The following F13A1 variants were observed in gnomAD, a reference collection of about 807,000 sequenced individuals.
F13A1 encodes coagulation factor XIII A chain.
In F13A1, 47 loss-of-function variants were observed where a neutral mutation model predicts 80.1. The observed-to-expected ratio is 0.59, with a 90% CI of 0.46 to 0.75. The LOEUF is 0.75. F13A1 is among the 30% of genes least tolerant of loss of function. The probability of loss-of-function intolerance (pLI) is 0.00; values close to 1 mark genes in which losing one functional copy is unlikely to be tolerated. For synonymous variants in F13A1, 349 were observed against 344.9 expected (o/e 1.01, Z -0.13); for missense variants, 817 against 930.4 (o/e 0.88, Z 1.59).
intron 12 of F13A1, chr6:6,169,576 G>A (rs545747283): frequency 1.3e-5 from 2 of 153,266 alleles, no homozygotes; most frequent in East Asian, 3.9e-4. Context: ...AGAAAGGTTG[G>A]TCATCCTAGA....
intron 3 of F13A1, among the ~76,000 whole-genome samples, chr6:6,303,963 T>A (rs1024387971): frequency 1.3e-5 from 2 of 152,202 alleles, no homozygotes; most frequent in African/African-American, 4.8e-5. Context: ...TTCCCTTGAA[T>A]CTGTTGGGTT....
Position 6,316,078 on chromosome 6 carries a change from CATAT to C in F13A1, c.130+2453_130+2456del, listed in dbSNP as rs57716665. Among the ~76,000 whole-genome samples, 83 of 34,918 alleles carry C rather than the reference CATAT, an allele frequency of 2.4e-3. 5 individuals are homozygous for C. The highest frequency in any genetic ancestry group is 2.7e-3 in the African/African-American group (39 of 14,434). 22.9% of individuals were successfully genotyped at this position (34,918 alleles called of 152,430 possible). On this transcript the variant is annotated intron_variant, in intron 2 of 14. Transcript: ENST00000264870. ...GTTTGTGTGCTGCTATGTGTGTGTG[CATAT>C]ATATATATATATATATATATATATA...
intron 3 of F13A1, among the ~76,000 whole-genome samples, chr6:6,281,909 G>A (rs1435129328): frequency 6.8e-6 from 1 of 147,394 alleles, no homozygotes; most frequent in Non-Finnish European, 1.5e-5. Flanking sequence ...CAGGAAAATG[G>A]TATGAACCCG....
chr6:6,300,415 C>G (rs535527429), intron 3 of F13A1, among the ~76,000 whole-genome samples: 1 of 151,740 alleles, frequency 6.6e-6, no homozygotes, highest in South Asian at 2.1e-4. Flanking sequence ...GTAGGACCCT[C>G]TGATCCAGGT....
In F13A1 at chr6:6,151,864, C is replaced by T; in HGVS notation, c.1994G>A (p.Trp665Ter). ...TACTCCAGGACCATCCAGGTGTACC[C>T]AGACATTTCGCAGGGTTTCTTTTAA... is the stretch of plus-strand genomic sequence containing the variant. The part of the protein sequence containing the change: ...NPLKETLRNV[W>*]VHLDGPGVTR... Residue 665 changes from tryptophan to a stop codon, truncating the protein, a stop_gained, in exon 14 of 15, where the codon TGG (tryptophan) becomes TAG (stop). Coordinates refer to ENST00000264870, the MANE Select transcript of F13A1 (RefSeq NM_000129.4). LOFTEE classifies it high-confidence loss of function. 6.2e-7 allele frequency: 1 copy of T among 1,614,092 alleles called. No homozygotes were observed. Among genetic ancestry groups the T allele is most frequent in the Non-Finnish European group, 8.5e-7 (1 of 1,179,976 alleles).
chr6:6,247,566 C>T (rs940052399), intron 6 of F13A1, among the ~76,000 whole-genome samples: 2 of 152,218 alleles, frequency 1.3e-5, no homozygotes, highest in South Asian at 2.1e-4. Context: ...CCACCCTTCC[C>T]ACTCATGGGA....
chr6:6,295,888 T>G (rs1412244365), intron 3 of F13A1, among the ~76,000 whole-genome samples: 1 of 141,204 alleles, frequency 7.1e-6, no homozygotes, highest in Non-Finnish European at 1.5e-5. Context: ...GGTCTAACGT[T>G]TAAGTCTTTA....
At chr6:6,196,594 T>C (rs1009057091) in intron 9 of F13A1, among the ~76,000 whole-genome samples, 1 of 152,190 alleles carries the variant, frequency 6.6e-6, no homozygotes, top group Admixed American at 6.5e-5. Flanking sequence ...CCCATCGATA[T>C]ATCAACACCT....
intron 8 of F13A1, among the ~76,000 whole-genome samples, chr6:6,214,756 G>A (rs1583075471): frequency 1.4e-5 from 1 of 70,662 alleles, no homozygotes; most frequent in African/African-American, 7.5e-5. Context: ...TTTTTTGAAA[G>A]GATCAACAAA....
At chr6:6,190,971 T>G (rs1188632708) in intron 10 of F13A1, among the ~76,000 whole-genome samples, 11 of 151,786 alleles carry the variant, frequency 7.2e-5, no homozygotes, top group East Asian at 3.9e-4. Context: ...TATTTGGGTG[T>G]GAGTGACCCG....
At chr6:6,152,076 G>T in intron 13 of F13A1, 127 bp from the exon 14 acceptor site, 1 of 1,087,270 alleles carries the variant, frequency 9.2e-7, no homozygotes, top group Non-Finnish European at 1.4e-6. Flanking sequence ...GAACCAGTGT[G>T]ATGAGGATAG....
intron 3 of F13A1, among the ~76,000 whole-genome samples, chr6:6,295,238 A>C (rs1758304235): frequency 6.8e-6 from 1 of 147,876 alleles, no homozygotes. Flanking sequence ...AGCATGATTT[A>C]TAGTCCTTTG....
intron 8 of F13A1, chr6:6,206,694 T>G (rs1761495607): frequency 5.0e-6 from 2 of 397,354 alleles, no homozygotes; most frequent in Admixed American, 3.3e-5. Flanking sequence ...ATTTTTTACA[T>G]TCCTTCATTA....
At chr6:6,255,115 T>C (rs1001466073) in intron 4 of F13A1, among the ~76,000 whole-genome samples, 3 of 152,168 alleles carry the variant, frequency 2.0e-5, no homozygotes, top group Non-Finnish European at 4.4e-5. Context: ...CCTTGTTCCC[T>C]TAGTGCCCTA....
At chr6:6,309,358 G>C (rs1480183186) in intron 2 of F13A1, among the ~76,000 whole-genome samples, 1 of 152,162 alleles carries the variant, frequency 6.6e-6, no homozygotes, top group Admixed American at 6.5e-5. Flanking sequence ...CCACATTTAG[G>C]GGGTAGAAAA....
intron 7 of F13A1, 133 bp downstream of exon 7, chr6:6,224,553 T>A: frequency 1.3e-6 from 1 of 790,436 alleles, no homozygotes; most frequent in South Asian, 1.7e-5. Context: ...ATTGACTACA[T>A]CCCAGAATGG....
chr6:6,214,424 T>C (rs1441363902), intron 8 of F13A1, among the ~76,000 whole-genome samples: 9 of 139,944 alleles, frequency 6.4e-5, no homozygotes, highest in Non-Finnish European at 1.2e-4. Flanking sequence ...TGCTCCTGAA[T>C]GACTACTGGG....
intron 10 of F13A1, among the ~76,000 whole-genome samples, chr6:6,182,732 T>C (rs796781241): frequency 3.3e-5 from 5 of 152,136 alleles, no homozygotes; most frequent in East Asian, 1.9e-4. Context: ...AGTAGAAAGC[T>C]GAGAGGCGTT....
intron 10 of F13A1, among the ~76,000 whole-genome samples, chr6:6,188,230 T>C (rs1180471032): frequency 6.6e-6 from 1 of 152,166 alleles, no homozygotes; most frequent in East Asian, 1.9e-4. Flanking sequence ...CCTTCAGTTC[T>C]GCTCTGATTT....
Sources: gnomAD v4.1 joint callset for allele counts (sites outside exome capture counted in the v4.1 genomes callset) on GRCh38, gnomAD v4.1.1 for gene constraint, MANE v1.5 for transcripts, NCBI Gene and HGNC (gene_info 2026-07-23, HGNC 2026-07-21) for gene names.